TP63: variants seen among roughly 807,000 people sequenced by gnomAD.
The protein encoded by TP63 is tumor protein p63, also known as tumor protein 63.
A neutral mutation model predicts 82.8 loss-of-function variants in TP63; 17 were observed. That is an observed-to-expected ratio of 0.21 (90% CI 0.14 to 0.31). The LOEUF is 0.31. TP63 is among the 10% of genes least tolerant of loss of function. TP63 has a pLI of 1.00. For missense variants in TP63, 648 were observed against 895.3 expected, an observed-to-expected ratio of 0.72 and a Z score of 3.52; for synonymous variants, 330 against 321.7, an observed-to-expected ratio of 1.03 and a Z score of -0.28.
chr3:189,864,130 G>C (rs558120414), intron 4 of TP63, 102 bp from the exon 5 acceptor site: 2 of 1,472,098 alleles, frequency 1.4e-6, no homozygotes, highest in Non-Finnish European at 1.9e-6. Context: ...GCAGCATGCA[G>C]CTCTAAAAAG....
intron 1 of TP63, chr3:189,645,256 A>T: frequency 3.0e-6 from 1 of 330,704 alleles, no homozygotes; most frequent in Non-Finnish European, 5.8e-6. Context: ...TTCGTACAGT[A>T]TTCATACTGC....
chr3:189,731,761 G>C (rs917600168), intron 1 of TP63, among the ~76,000 whole-genome samples: 1 of 152,070 alleles, frequency 6.6e-6, no homozygotes, highest in African/African-American at 2.4e-5. Context: ...AATTGACTTC[G>C]GGCTTTCTAT....
intron 10 of TP63, among the ~76,000 whole-genome samples, chr3:189,884,545 CTA>C (rs1163411565): frequency 6.6e-6 from 1 of 152,188 alleles, no homozygotes; most frequent in African/African-American, 2.4e-5. Context: ...CTCTGCCCTG[CTA>C]TACCATGACC....
chr3:189,802,477 A>G (rs1409996278), intron 3 of TP63, among the ~76,000 whole-genome samples: 2 of 152,200 alleles, frequency 1.3e-5, no homozygotes, highest in African/African-American at 4.8e-5. Flanking sequence ...TTCACAGATG[A>G]GGATGGCCAT....
At chr3:189,785,937 T>A (rs1724567023) in intron 3 of TP63, among the ~76,000 whole-genome samples, 1 of 151,988 alleles carries the variant, frequency 6.6e-6, no homozygotes, top group African/African-American at 2.4e-5. Context: ...AAGGATTGAT[T>A]GTCAGCCCCT....
intron 3 of TP63, among the ~76,000 whole-genome samples, chr3:189,776,253 T>C (rs545307656): frequency 1.3e-5 from 2 of 152,344 alleles, no homozygotes; most frequent in South Asian, 4.1e-4. Flanking sequence ...TTGCTTGCAA[T>C]TACTGCTCAT....
intron 1 of TP63, among the ~76,000 whole-genome samples, chr3:189,717,306 GATCA>G (rs1401714187): frequency 3.9e-5 from 6 of 152,000 alleles, no homozygotes; most frequent in Non-Finnish European, 7.4e-5. Flanking sequence ...GCTTCATCTG[GATCA>G]ATCACAGATA....
At chr3:189,741,850 C>A (rs184130641) in intron 3 of TP63, among the ~76,000 whole-genome samples, 1 of 152,116 alleles carries the variant, frequency 6.6e-6, no homozygotes, top group Non-Finnish European at 1.5e-5. Flanking sequence ...AAATGAACTC[C>A]ATTGGGTTAG....
intron 3 of TP63, among the ~76,000 whole-genome samples, chr3:189,806,124 G>A (rs1046107750): frequency 8.2e-6 from 1 of 121,702 alleles, no homozygotes; most frequent in Non-Finnish European, 1.6e-5. Context: ...AAGAGTGTTT[G>A]CTCACTGGCT....
At chr3:189,720,572 G>A (rs1023902842) in intron 1 of TP63, among the ~76,000 whole-genome samples, 2 of 151,374 alleles carry the variant, frequency 1.3e-5, no homozygotes, top group South Asian at 2.1e-4. Context: ...CCGTCTCTAC[G>A]AAAAATACAA....
At chr3:189,708,863 TGCTTCACG>T (rs1718387851) in intron 1 of TP63, among the ~76,000 whole-genome samples, 1 of 152,208 alleles carries the variant, frequency 6.6e-6, no homozygotes, top group African/African-American at 2.4e-5. Flanking sequence ...ACCCATACAT[TGCTTCACG>T]GCTCAGAGAC....
chr3:189,818,829 G>A (rs932807703), intron 4 of TP63, among the ~76,000 whole-genome samples: 1 of 152,104 alleles, frequency 6.6e-6, no homozygotes, highest in African/African-American at 2.4e-5. Flanking sequence ...GAAATAAAAG[G>A]TCCTCAAAGG....
intron 1 of TP63, among the ~76,000 whole-genome samples, chr3:189,680,160 G>A (rs1416646659): frequency 6.6e-6 from 1 of 151,904 alleles, no homozygotes; most frequent in African/African-American, 2.4e-5. Context: ...GGTAGGGATT[G>A]CATTAAATCT....
chr3:189,776,885 G>T (rs1300621793), intron 3 of TP63, among the ~76,000 whole-genome samples: 1 of 152,216 alleles, frequency 6.6e-6, no homozygotes, highest in Non-Finnish European at 1.5e-5. Context: ...AATAGCAGAA[G>T]ACAGTTCCCA....
intron 1 of TP63, among the ~76,000 whole-genome samples, chr3:189,675,872 T>C (rs1451389919): frequency 6.6e-6 from 1 of 152,160 alleles, no homozygotes; most frequent in Non-Finnish European, 1.5e-5. Flanking sequence ...TTCTGGTGTG[T>C]TAATTAGCTC....
chr3:189,735,652 T>G (rs1311844089), intron 1 of TP63, among the ~76,000 whole-genome samples: 1 of 152,196 alleles, frequency 6.6e-6, no homozygotes, highest in African/African-American at 2.4e-5. Context: ...TTGTCTTACC[T>G]TAACTGATGC....
chr3:189,618,373 C>T, the TP63 span, among the ~76,000 whole-genome samples: 1,929 of 152,298 alleles, frequency 0.013, 45 homozygotes, highest in African/African-American at 0.044. Flanking sequence ...CCCATTCTTT[C>T]CTTTTCTTAG....
chr3:189,859,738 G>A (rs1024560133), intron 4 of TP63, among the ~76,000 whole-genome samples: 83 of 152,128 alleles, frequency 5.5e-4, no homozygotes, highest in African/African-American at 1.8e-3. Flanking sequence ...GTACATGAAC[G>A]TTCATAATAG....
intron 4 of TP63, among the ~76,000 whole-genome samples, chr3:189,832,302 A>G (rs150471460): frequency 2.6e-4 from 39 of 152,254 alleles, no homozygotes; most frequent in African/African-American, 9.1e-4. Flanking sequence ...AATCAACCCC[A>G]GGGACTGACA....
Sources: allele counts gnomAD v4.1 joint callset (sites outside exome capture counted in the v4.1 genomes callset), GRCh38; gene constraint gnomAD v4.1.1; transcripts MANE v1.5; gene names NCBI Gene and HGNC (gene_info 2026-07-23, HGNC 2026-07-21).